Variants in FBXL17 observed in about 807,000 individuals in gnomAD.
The protein encoded by FBXL17 is F-box/LRR-repeat protein 17.
Under a neutral mutation model 66.2 loss-of-function variants are expected in FBXL17, and 22 were observed. That is an observed-to-expected ratio of 0.33 (90% CI 0.24 to 0.47). The LOEUF (loss-of-function observed/expected upper bound fraction) is 0.47, where lower values mean the gene tolerates loss of function less well. Among genes scored for constraint, FBXL17 ranks in the 20% least tolerant of loss-of-function variants. The probability of loss-of-function intolerance (pLI) is 1.00; values close to 1 mark genes in which losing one functional copy is unlikely to be tolerated. For missense variants in FBXL17, 878 were observed against 948.2 expected, an observed-to-expected ratio of 0.93 and a Z score of 0.97; for synonymous variants, 474 against 400.5, an observed-to-expected ratio of 1.18 and a Z score of -2.19.
intron 5 of FBXL17, 62 bp downstream of exon 5, chr5:108,224,059 T>A: frequency 1.3e-6 from 1 of 779,812 alleles, no homozygotes; most frequent in South Asian, 1.8e-5. Flanking sequence ...AATTAAACAA[T>A]TTAGGGCTCA....
chr5:108,318,520 G>A (rs57333159), intron 4 of FBXL17, among the ~76,000 whole-genome samples: 2,467 of 151,910 alleles, frequency 0.016, 64 homozygotes, highest in African/African-American at 0.054. Context: ...AGAGGGAAGT[G>A]AAAACTAGTT....
At chr5:107,972,403 A>AG (rs1752405484) in intron 7 of FBXL17, among the ~76,000 whole-genome samples, 1 of 152,208 alleles carries the variant, frequency 6.6e-6, no homozygotes, top group Non-Finnish European at 1.5e-5. Context: ...CGTTTCTACC[A>AG]TCCAGTCAAC....
intron 7 of FBXL17, among the ~76,000 whole-genome samples, chr5:107,909,234 T>C (rs1332263422): frequency 6.6e-6 from 1 of 152,158 alleles, no homozygotes; most frequent in African/African-American, 2.4e-5. Context: ...GGATTCTGAG[T>C]ACTTCAGAAA....
chr5:108,028,565 T>C (rs1251379997), intron 6 of FBXL17, among the ~76,000 whole-genome samples: 2 of 152,144 alleles, frequency 1.3e-5, no homozygotes, highest in African/African-American at 4.8e-5. Context: ...CAACTCTGCT[T>C]TGCAGTGACT....
At chr5:108,147,688 CT>C (rs1474795811) in intron 6 of FBXL17, among the ~76,000 whole-genome samples, 2 of 151,970 alleles carry the variant, frequency 1.3e-5, no homozygotes, top group East Asian at 1.9e-4. Flanking sequence ...AACACCAATC[CT>C]CAAATTTAAG....
intron 5 of FBXL17, 137 bp from the exon 6 acceptor site, chr5:108,186,384 AG>A: frequency 7.8e-6 from 5 of 640,944 alleles, no homozygotes; most frequent in South Asian, 2.4e-5. Flanking sequence ...TTTTAATTAA[AG>A]ATATTGTATA....
intron 4 of FBXL17, among the ~76,000 whole-genome samples, chr5:108,255,441 A>G (rs1315973277): frequency 6.6e-6 from 1 of 152,334 alleles, no homozygotes; most frequent in African/African-American, 2.4e-5. Flanking sequence ...AGCTAAATTC[A>G]TAAAAGAGGA....
At chr5:108,242,689 A>T (rs1755914066) in intron 4 of FBXL17, among the ~76,000 whole-genome samples, 1 of 152,202 alleles carries the variant, frequency 6.6e-6, no homozygotes, top group African/African-American at 2.4e-5. Context: ...TTTAGCTTCA[A>T]CAGTTACGAA....
intron 6 of FBXL17, among the ~76,000 whole-genome samples, chr5:108,147,574 A>C (rs1751608069): frequency 6.6e-6 from 1 of 152,240 alleles, no homozygotes; most frequent in South Asian, 2.1e-4. Context: ...GAATATATGT[A>C]GAGGGAAATA....
At chr5:108,292,126 C>CT (rs34902962) in intron 4 of FBXL17, among the ~76,000 whole-genome samples, 28,300 of 143,448 alleles carry the variant, frequency 0.2, 2,665 homozygotes, top group South Asian at 0.31. Context: ...AACGAAAAAG[C>CT]TTTTTTTTTT....
chr5:108,141,285 C>T (rs1751338723), intron 6 of FBXL17, among the ~76,000 whole-genome samples: 1 of 152,152 alleles, frequency 6.6e-6, no homozygotes. Flanking sequence ...GTGAAACCAT[C>T]TTTGGATCCC....
chr5:108,267,979 A>G (rs1454415483), intron 4 of FBXL17, among the ~76,000 whole-genome samples: 2 of 152,120 alleles, frequency 1.3e-5, no homozygotes, highest in African/African-American at 4.8e-5. Flanking sequence ...TGTAAAATGC[A>G]AAAGGTAATT....
intron 4 of FBXL17, among the ~76,000 whole-genome samples, chr5:108,273,601 C>G (rs561597625): frequency 6.6e-6 from 1 of 151,246 alleles, no homozygotes; most frequent in African/African-American, 2.4e-5. Context: ...GGCAAATGTA[C>G]AGCCCTAAAT....
chr5:107,937,071 T>C (rs1750933700), intron 7 of FBXL17, among the ~76,000 whole-genome samples: 1 of 151,858 alleles, frequency 6.6e-6, no homozygotes, highest in Non-Finnish European at 1.5e-5. Flanking sequence ...CCTTGAAAAA[T>C]GTTTTTTAAA....
At chr5:108,136,062 A>C (rs1027009100) in intron 6 of FBXL17, among the ~76,000 whole-genome samples, 8 of 152,160 alleles carry the variant, frequency 5.3e-5, no homozygotes, top group African/African-American at 1.7e-4. Context: ...GGGAGAAACA[A>C]CATAAGATGA....
intron 5 of FBXL17, among the ~76,000 whole-genome samples, chr5:108,197,972 GT>G (rs1753744811): frequency 6.6e-6 from 1 of 152,102 alleles, no homozygotes; most frequent in Non-Finnish European, 1.5e-5. Context: ...ATCAGATACT[GT>G]TTCAAAGAGT....
At chr5:108,298,243 A>C (rs937608307) in intron 4 of FBXL17, 5 of 984,218 alleles carry the variant, frequency 5.1e-6, no homozygotes, top group Non-Finnish European at 6.0e-6. Context: ...TTTAAGTTAT[A>C]GTCTTCTTGC....
At chr5:107,973,244 A>G (rs1261024151) in intron 7 of FBXL17, among the ~76,000 whole-genome samples, 1 of 152,178 alleles carries the variant, frequency 6.6e-6, no homozygotes, top group Non-Finnish European at 1.5e-5. Flanking sequence ...GTTTTAGAGC[A>G]AGCTTGTCCA....
chr5:107,882,734 T>C (rs1748834046), intron 7 of FBXL17, among the ~76,000 whole-genome samples: 1 of 152,240 alleles, frequency 6.6e-6, no homozygotes, highest in Non-Finnish European at 1.5e-5. Flanking sequence ...TATGATATCC[T>C]GAAGATCTGC....
Sources: gnomAD v4.1 joint callset for allele counts (sites outside exome capture counted in the v4.1 genomes callset) on GRCh38, gnomAD v4.1.1 for gene constraint, MANE v1.5 for transcripts, NCBI Gene and HGNC (gene_info 2026-07-23, HGNC 2026-07-21) for gene names.